The following MTR variants were observed in gnomAD, a reference collection of about 807,000 sequenced individuals.
MTR encodes the protein methionine synthase.
MTR carries 84 observed loss-of-function variants against 154.8 expected under a neutral mutation model. That is an observed-to-expected ratio of 0.54 (90% confidence interval 0.45 to 0.65). The LOEUF is 0.65. Ranked by LOEUF, MTR falls within the 30% of genes least tolerant of loss-of-function variation. The probability of loss-of-function intolerance (pLI) is 0.00; values close to 1 mark genes in which losing one functional copy is unlikely to be tolerated. For synonymous variants in MTR, 554 were observed against 553.9 expected, an observed-to-expected ratio of 1.00 and a Z score of 0.00; for missense variants, 1,275 against 1,570.2, an observed-to-expected ratio of 0.81 and a Z score of 3.18.
At chr1:236,829,060 G>T in intron 11 of MTR, 129 bp from the exon 12 acceptor site, 2 of 709,650 alleles carry the variant, frequency 2.8e-6, no homozygotes, top group South Asian at 3.2e-5. Context: ...CTTGGAAGTA[G>T]GTATATAATT....
rs1201199584 is a variant in MTR at position 236,863,458 on chromosome 1, C to T, written c.2309C>T (p.Pro770Leu). The change falls in exon 22 of 33, where the codon CCT (proline) becomes CTT (leucine). Residue 770 changes from proline (P) to leucine (L), a missense_variant. Pro to Leu is a moderately conservative substitution (Grantham distance 98). Coordinates refer to ENST00000366577, the MANE Select transcript of MTR (RefSeq NM_000254.3). The stretch of plus-strand genomic sequence containing the variant: ...GCTGCTTGGCTTCCTTTCCAGGACC[C>T]TTACCAGGGCACCATCGTGCTGGCC... ...VLNGTVEEED[P>L]YQGTIVLATV... 1.9e-6 allele frequency: 3 copies of T among 1,613,910 alleles called. No homozygotes were observed. In the Admixed American group the frequency reaches 5.0e-5, roughly 27 times the overall value.
chr1:236,878,131 G>T (rs1665532970), intron 24 of MTR, among the ~76,000 whole-genome samples: 2 of 151,792 alleles, frequency 1.3e-5, no homozygotes, highest in Admixed American at 1.3e-4. Context: ...AATCTGGCTT[G>T]CCTTTTGCTA....
At position 236,816,463 on chromosome 1, in the gene MTR, C is replaced by T. The variant is rs1343180495; in HGVS notation, c.684C>T (p.Ile228=). 4.3e-6 allele frequency: 7 copies of T among 1,613,902 alleles called. No individual in the cohort carries two copies. Among genetic ancestry groups the T allele is most frequent in the South Asian group, 3.3e-5 (3 of 91,082 alleles). ...APRPIFISGT[I]VDKSGRTLSG... Reference sequence around the variant, plus strand: ...TGTCAATTCAGATTTCAGGGACGATCGTTGATAAAAGTGGGCGGACTCTTT... The same window carrying T: ...TGTCAATTCAGATTTCAGGGACGATTGTTGATAAAAGTGGGCGGACTCTTT... The change falls in exon 8 of 33, where the codon ATC becomes ATT. Residue 228 remains isoleucine (I), a synonymous_variant. Transcript: ENST00000366577.
At chr1:236,851,503 A>G (rs1372874041) in intron 16 of MTR, among the ~76,000 whole-genome samples, 9 of 152,236 alleles carry the variant, frequency 5.9e-5, no homozygotes, top group Admixed American at 2.6e-4. Context: ...TCAACAGTAA[A>G]TATTAGATAC....
At chr1:236,800,456 A>G in intron 1 of MTR, 2 of 985,448 alleles carry the variant, frequency 2.0e-6, no homozygotes, top group Non-Finnish European at 2.4e-6. Context: ...TTGAGAAGAA[A>G]GCGATTCAGC....
chr1:236,880,576 G>A (rs1290516285), intron 24 of MTR, among the ~76,000 whole-genome samples, 179 bp from the exon 25 acceptor site: 1 of 152,190 alleles, frequency 6.6e-6, no homozygotes, highest in Non-Finnish European at 1.5e-5. Context: ...TTAGGGTAGG[G>A]AAAAAGTCAT....
intron 12 of MTR, among the ~76,000 whole-genome samples, chr1:236,831,671 C>A (rs1311129937): frequency 6.6e-6 from 1 of 152,174 alleles, no homozygotes; most frequent in Non-Finnish European, 1.5e-5. Context: ...GATTATTTTT[C>A]CTTTTTTCTC....
rs866855046 is a variant in MTR at position 236,894,454 on chromosome 1, C to T, written c.3302C>T (p.Ala1101Val). 6.2e-7 allele frequency: 1 copy of T among 1,614,206 alleles called. No homozygotes were observed. Among genetic ancestry groups the T allele is most frequent in the Non-Finnish European group, 8.5e-7 (1 of 1,180,044 alleles). The part of the protein sequence containing the change: ...SGIRDYLGLF[A>V]VACFGVEELS... ...ATCCGTGACTACCTGGGCCTGTTTG[C>T]CGTTGCCTGCTTTGGGGTAGAAGAG... The change falls in exon 30 of 33, where the codon GCC (alanine) becomes GTC (valine). Residue 1101 changes from alanine (A) to valine (V), a missense_variant. Coordinates refer to ENST00000366577, the MANE Select transcript of MTR (RefSeq NM_000254.3).
intron 15 of MTR, among the ~76,000 whole-genome samples, chr1:236,842,174 A>G (rs1478502654): frequency 6.6e-6 from 1 of 152,146 alleles, no homozygotes; most frequent in Non-Finnish European, 1.5e-5. Context: ...TACAGGCGTG[A>G]GCCACCGCGC....
intron 22 of MTR, among the ~76,000 whole-genome samples, chr1:236,871,381 C>T (rs1394925271): frequency 6.6e-6 from 1 of 152,160 alleles, no homozygotes; most frequent in Non-Finnish European, 1.5e-5. Flanking sequence ...CCTTACTCTT[C>T]CTTAAACATG....
intron 1 of MTR, 103 bp from the exon 2 acceptor site, chr1:236,803,325 T>A (rs1660795281): frequency 8.8e-7 from 1 of 1,138,558 alleles, no homozygotes; most frequent in South Asian, 1.3e-5. Flanking sequence ...ATAAACTCCA[T>A]TTACTCCTTA....
Position 236,847,093 on chromosome 1 carries a change from G to A in MTR, c.1516-3251G>A, listed in dbSNP as rs151303526. ...GTAGAGATGGGTTTTCACCATGTTG[G>A]CCAGGCTGTTCTCGAACTCCTGACC... is the stretch of plus-strand genomic sequence containing the variant. On this transcript the variant is annotated intron_variant, in intron 15 of 32. Coordinates refer to ENST00000366577, the MANE Select transcript of MTR (RefSeq NM_000254.3). Among the ~76,000 whole-genome samples, 807 of 152,040 alleles carry A rather than the reference G, an allele frequency of 5.3e-3. 9 individuals carry two copies. Among genetic ancestry groups the A allele is most frequent in the Non-Finnish European group, 7.0e-3 (478 of 67,954 alleles).
At chr1:236,798,869 G>C (rs1558267404) in intron 1 of MTR, among the ~76,000 whole-genome samples, 1 of 152,192 alleles carries the variant, frequency 6.6e-6, no homozygotes, top group Non-Finnish European at 1.5e-5. Context: ...GCCAGGGGAA[G>C]GAATTGTCAA....
intron 24 of MTR, among the ~76,000 whole-genome samples, chr1:236,878,145 T>C (rs1665534454): frequency 6.6e-6 from 1 of 152,200 alleles, no homozygotes; most frequent in Non-Finnish European, 1.5e-5. Context: ...TTTGCTATCT[T>C]AGTGCTGTCT....
In MTR at chr1:236,859,860, A is replaced by G; in HGVS notation, c.1981A>G (p.Ile661Val). 6.2e-7 allele frequency: 1 copy of G among 1,614,066 alleles called. No homozygotes were observed. The highest frequency in any genetic ancestry group is 1.7e-4 in the Middle Eastern group (1 of 6,060). Residue 661 changes from isoleucine to valine, a missense_variant, in exon 19 of 33, where the codon ATT (isoleucine) becomes GTT (valine). Coordinates refer to ENST00000366577, the MANE Select transcript of MTR (RefSeq NM_000254.3). Reference protein sequence around the residue: ...QTQGTGGKKVIQTDEWRNGPV... With the variant: ...QTQGTGGKKVVQTDEWRNGPV... Reference sequence around the variant, plus strand: ...TCAAGGCACAGGAGGGAAGAAAGTCATTCAGACTGATGAGTGGAGAAATGG... The same window carrying G: ...TCAAGGCACAGGAGGGAAGAAAGTCGTTCAGACTGATGAGTGGAGAAATGG...
At chr1:236,797,724 C>T (rs933409578) in intron 1 of MTR, among the ~76,000 whole-genome samples, 3 of 151,940 alleles carry the variant, frequency 2.0e-5, no homozygotes, top group African/African-American at 2.4e-5. Flanking sequence ...TTTGGGAGGC[C>T]GAGGCGTGCG....
intron 1 of MTR, among the ~76,000 whole-genome samples, chr1:236,799,360 T>A (rs1314636118): frequency 6.6e-6 from 1 of 151,896 alleles, no homozygotes; most frequent in Non-Finnish European, 1.5e-5. Flanking sequence ...GTGGACTCAG[T>A]GATCCACCTA....
intron 13 of MTR, among the ~76,000 whole-genome samples, chr1:236,834,591 T>C (rs1662795360): frequency 6.6e-6 from 1 of 152,206 alleles, no homozygotes; most frequent in Admixed American, 6.5e-5. Context: ...TCTATCACAA[T>C]GAGTGCTAAA....
At chr1:236,897,184 T>G in intron 32 of MTR, 66 bp downstream of exon 32, 6 of 1,198,156 alleles carry the variant, frequency 5.0e-6, no homozygotes, top group Non-Finnish European at 7.5e-6. Flanking sequence ...CCTCTCTCAT[T>G]TTAAATGTGA....
Sources: allele counts gnomAD v4.1 joint callset (sites outside exome capture counted in the v4.1 genomes callset), GRCh38; gene constraint gnomAD v4.1.1; transcripts MANE v1.5; gene names NCBI Gene and HGNC (gene_info 2026-07-23, HGNC 2026-07-21).